SEMA4F: variants seen among roughly 807,000 people sequenced by gnomAD.
SEMA4F encodes the protein semaphorin-4F.
Under a neutral mutation model 78.4 loss-of-function variants are expected in SEMA4F, and 51 were observed. That is an observed-to-expected ratio of 0.65 (90% CI 0.52 to 0.82). The LOEUF (loss-of-function observed/expected upper bound fraction) is 0.82, where lower values mean the gene tolerates loss of function less well. Among genes scored for constraint, SEMA4F ranks in the 40% least tolerant of loss-of-function variants. SEMA4F has a pLI of 0.00. For synonymous variants in SEMA4F, 418 were observed against 408.7 expected, an observed-to-expected ratio of 1.02 and a Z score of -0.27; for missense variants, 938 against 1,014.4, an observed-to-expected ratio of 0.92 and a Z score of 1.02.
chr2:74,667,585 C>T (rs923315677), intron 5 of SEMA4F, among the ~76,000 whole-genome samples: 8 of 152,204 alleles, frequency 5.3e-5, no homozygotes, highest in Admixed American at 2.0e-4. Context: ...GGAAAGCCTC[C>T]GAAATCTTAT....
the SEMA4F span, among the ~76,000 whole-genome samples, chr2:74,697,878 T>C: frequency 6.6e-6 from 1 of 152,040 alleles, no homozygotes; most frequent in Non-Finnish European, 1.5e-5. Context: ...TCTTCCCCCT[T>C]CTCTTCCTGG....
In SEMA4F at chr2:74,654,418, G is replaced by A; in HGVS notation, c.42G>A (p.Gln14=). ...CGCGGCCCCGCCCGGGTCCCGGGCA[G>A]CCTACAGCCTCGCCCTTCCCGCTAC... is the stretch of plus-strand genomic sequence containing the variant. ...SAARPRPGPG[Q]PTASPFPLLL... The change falls in exon 1 of 14, where the codon CAG becomes CAA. Residue 14 remains glutamine (Q), a synonymous_variant. Transcript: ENST00000357877. The A allele has an allele frequency of 6.5e-7, 1 of 1,550,350 alleles. No individual in the cohort carries two copies.
rs1685605769 is a variant in SEMA4F at position 74,681,354 on chromosome 2, T to TG, written c.*1146dup. 6.6e-6 allele frequency: 1 copy of TG among 152,642 alleles called. No individual in the cohort carries two copies. Among genetic ancestry groups the TG allele is most frequent in the African/African-American group, 2.4e-5 (1 of 41,436 alleles). The allele number at this position is 152,642 out of a possible 1,614,324, so 9.5% of individuals were successfully genotyped here. On this transcript the variant is annotated 3_prime_UTR_variant, in exon 14 of 14. Transcript: ENST00000357877. ...CTCTGTGGGGAGGTTTTATGGCTTT[T>TG]GTCAGATTTTCAAGGCCTTAACAAA... is the stretch of plus-strand genomic sequence containing the variant.
chr2:74,656,409 C>T, intron 1 of SEMA4F, 125 bp from the exon 2 acceptor site: 3 of 850,636 alleles, frequency 3.5e-6, no homozygotes, highest in Admixed American at 2.3e-5. Context: ...GGCTGTGTTT[C>T]TCCCCCATGG....
intron 2 of SEMA4F, 94 bp downstream of exon 2, chr2:74,656,779 A>G: frequency 8.3e-7 from 1 of 1,201,836 alleles, no homozygotes; most frequent in Non-Finnish European, 1.2e-6. Flanking sequence ...ATAATAACTA[A>G]AGATGTAACA....
chr2:74,687,643 C>T (rs1685849083), downstream of SEMA4F, among the ~76,000 whole-genome samples: 1 of 152,220 alleles, frequency 6.6e-6, no homozygotes, highest in Non-Finnish European at 1.5e-5. Context: ...ATCCACTGGT[C>T]AGTACTCCTG....
chr2:74,668,185 G>A (rs201167424), intron 5 of SEMA4F, among the ~76,000 whole-genome samples: 1 of 144,896 alleles, frequency 6.9e-6, no homozygotes, highest in South Asian at 2.2e-4. Flanking sequence ...GCAGAAGACT[G>A]CTCTTTCTCT....
At chr2:74,693,055 T>C in the SEMA4F span, among the ~76,000 whole-genome samples, 1 of 152,242 alleles carries the variant, frequency 6.6e-6, no homozygotes, top group Admixed American at 6.5e-5. Flanking sequence ...TTGGTGGATT[T>C]CCTTTCAGAC....
the SEMA4F span, among the ~76,000 whole-genome samples, chr2:74,693,074 A>AT: frequency 1.3e-5 from 2 of 152,244 alleles, no homozygotes; most frequent in South Asian, 4.1e-4. Context: ...ACTTTTCTCT[A>AT]TGTATATATT....
intron 5 of SEMA4F, among the ~76,000 whole-genome samples, chr2:74,668,388 A>G (rs182079481): frequency 2.0e-4 from 30 of 152,340 alleles, no homozygotes; most frequent in African/African-American, 6.5e-4. Context: ...GAAATCCTAC[A>G]TGGCCAACAG....
the SEMA4F span, among the ~76,000 whole-genome samples, chr2:74,694,368 C>A: frequency 6.6e-6 from 1 of 152,072 alleles, no homozygotes; most frequent in Non-Finnish European, 1.5e-5. Flanking sequence ...TATATTATTT[C>A]GAACTCTCAT....
chr2:74,656,863 A>G (rs1444163393), intron 2 of SEMA4F, among the ~76,000 whole-genome samples, 178 bp downstream of exon 2: 2 of 152,084 alleles, frequency 1.3e-5, no homozygotes, highest in African/African-American at 4.8e-5. Flanking sequence ...AGCTAAGAGT[A>G]TGGCGGGTCA....
chr2:74,680,997 T>C lies in SEMA4F; in HGVS notation c.*788T>C, dbSNP rs1030706027. The C allele has an allele frequency of 6.6e-6, 1 of 152,538 alleles. No homozygotes were observed. Among genetic ancestry groups the C allele is most frequent in the Admixed American group, 6.5e-5 (1 of 15,270 alleles). The allele number at this position is 152,538 out of a possible 1,614,324, so 9.4% of individuals were successfully genotyped here. ...AAAGCTCCTAAAGTGACCTTCCGGG[T>C]GGGAAGGGCAGCAGTACACATGACC... On this transcript the variant is annotated 3_prime_UTR_variant, in exon 14 of 14. Coordinates refer to ENST00000357877, the MANE Select transcript of SEMA4F (RefSeq NM_004263.5).
chr2:74,697,457 G>A, the SEMA4F span, among the ~76,000 whole-genome samples: 19 of 152,158 alleles, frequency 1.2e-4, no homozygotes, highest in African/African-American at 4.1e-4. Flanking sequence ...GGAGAAGTGA[G>A]GGGGCAGATA....
intron 4 of SEMA4F, among the ~76,000 whole-genome samples, chr2:74,659,195 C>T (rs1684310320): frequency 6.6e-6 from 1 of 152,194 alleles, no homozygotes; most frequent in African/African-American, 2.4e-5. Context: ...AATTTCCCTA[C>T]AGTTCTCCTT....
chr2:74,686,173 C>T (rs1685818955), downstream of SEMA4F, among the ~76,000 whole-genome samples: 1 of 151,562 alleles, frequency 6.6e-6, no homozygotes, highest in South Asian at 2.1e-4. Flanking sequence ...GATCTCAGCT[C>T]ACTGCAAACT....
chr2:74,689,981 A>C, the SEMA4F span, among the ~76,000 whole-genome samples: 148 of 152,356 alleles, frequency 9.7e-4, 2 homozygotes, highest in Non-Finnish European at 1.9e-3. Flanking sequence ...TTAGCCTTGC[A>C]GCAGTCTTCC....
intron 1 of SEMA4F, 32 bp downstream of exon 1, chr2:74,654,553 T>G (rs753822083): frequency 3.3e-6 from 5 of 1,515,164 alleles, no homozygotes; most frequent in African/African-American, 1.4e-5. Context: ...CCTCAGCCCT[T>G]CGCGCCCACA....
Position 74,675,276 on chromosome 2 carries a change from G to C in SEMA4F, c.1264G>C (p.Asp422His). 2 of 1,614,174 alleles carry C rather than the reference G, an allele frequency of 1.2e-6. No homozygotes were observed. The highest frequency in any genetic ancestry group is 1.7e-6 in the Non-Finnish European group (2 of 1,180,032). Residue 422 changes from aspartate to histidine, a missense_variant, in exon 10 of 14, where the codon GAT becomes CAT. Asp to His is a moderately conservative substitution (Grantham distance 81). Transcript: ENST00000357877. ...CATGGACAGGCCAGTGTTTCCAGCT[G>C]ATGGCCACCCCCTGCTGGTCACTAC... ...PLMDRPVFPA[D>H]GHPLLVTTDT...
Sources: allele counts gnomAD v4.1 joint callset (sites outside exome capture counted in the v4.1 genomes callset), GRCh38; gene constraint gnomAD v4.1.1; transcripts MANE v1.5; gene names NCBI Gene and HGNC (gene_info 2026-07-23, HGNC 2026-07-21).